Variants in CLSTN2 observed in about 807,000 individuals in gnomAD.
The protein encoded by CLSTN2 is calsyntenin 2.
Under a neutral mutation model 101.2 loss-of-function variants are expected in CLSTN2, and 48 were observed. The observed-to-expected ratio is 0.47, with a 90% confidence interval of 0.38 to 0.60. CLSTN2 has a LOEUF of 0.60. Among genes scored for constraint, CLSTN2 ranks in the 20% least tolerant of loss-of-function variants. CLSTN2 has a pLI of 0.00. For synonymous variants in CLSTN2, 481 were observed against 463.6 expected, an observed-to-expected ratio of 1.04 and a Z score of -0.48; for missense variants, 1,160 against 1,238.2, an observed-to-expected ratio of 0.94 and a Z score of 0.95.
chr3:139,979,809 G>A (rs1935886086), intron 1 of CLSTN2, among the ~76,000 whole-genome samples: 1 of 151,808 alleles, frequency 6.6e-6, no homozygotes, highest in Non-Finnish European at 1.5e-5. Context: ...CATTAGCCAG[G>A]ATTTATGTGC....
intron 9 of CLSTN2, among the ~76,000 whole-genome samples, chr3:140,542,293 G>T (rs920898035): frequency 3.9e-5 from 6 of 152,102 alleles, no homozygotes; most frequent in Non-Finnish European, 7.4e-5. Context: ...AGCTCCTGAA[G>T]ACCATGGTTC....
chr3:140,049,492 T>A (rs1294930819), intron 1 of CLSTN2, among the ~76,000 whole-genome samples: 3 of 152,220 alleles, frequency 2.0e-5, no homozygotes, highest in African/African-American at 7.2e-5. Context: ...CCAGGCCATC[T>A]TTATTTTCTC....
intron 1 of CLSTN2, among the ~76,000 whole-genome samples, chr3:140,014,718 T>C (rs1017389439): frequency 1.3e-5 from 2 of 150,182 alleles, no homozygotes; most frequent in African/African-American, 2.5e-5. Context: ...TGGAGAAGAG[T>C]GAGGAATAGG....
At chr3:140,023,373 A>G (rs1189813411) in intron 1 of CLSTN2, among the ~76,000 whole-genome samples, 1 of 152,280 alleles carries the variant, frequency 6.6e-6, no homozygotes, top group South Asian at 2.1e-4. Flanking sequence ...GAGGCTTGTT[A>G]TGTTTCTGCC....
At chr3:140,247,319 C>G (rs936831505) in intron 2 of CLSTN2, among the ~76,000 whole-genome samples, 7 of 152,106 alleles carry the variant, frequency 4.6e-5, no homozygotes, top group African/African-American at 1.7e-4. Flanking sequence ...TTGGGATTTT[C>G]TTAGTGTTCT....
intron 16 of CLSTN2, among the ~76,000 whole-genome samples, chr3:140,565,779 T>C (rs1167394989): frequency 1.3e-5 from 2 of 152,220 alleles, no homozygotes; most frequent in Admixed American, 1.3e-4. Context: ...TAGGATTGGC[T>C]AAAATGTCCA....
intron 8 of CLSTN2, among the ~76,000 whole-genome samples, chr3:140,468,444 A>C (rs941426704): frequency 6.6e-6 from 1 of 152,244 alleles, no homozygotes; most frequent in South Asian, 2.1e-4. Context: ...AGATAAAGAT[A>C]TAGTGAATCT....
chr3:140,307,833 A>G (rs770197298), intron 2 of CLSTN2, among the ~76,000 whole-genome samples: 5 of 152,212 alleles, frequency 3.3e-5, no homozygotes, highest in Non-Finnish European at 7.3e-5. Context: ...GGCTTCTGGT[A>G]TATTAAAAAT....
At chr3:140,342,092 C>T (rs969438865) in intron 2 of CLSTN2, among the ~76,000 whole-genome samples, 1 of 152,168 alleles carries the variant, frequency 6.6e-6, no homozygotes, top group Non-Finnish European at 1.5e-5. Context: ...GCCCAGGTAG[C>T]ATTCCTTTGT....
chr3:140,351,506 A>T (rs2087606474), intron 2 of CLSTN2, among the ~76,000 whole-genome samples: 1 of 152,240 alleles, frequency 6.6e-6, no homozygotes, highest in Admixed American at 6.5e-5. Context: ...TATCAAACAC[A>T]GTCAAGTCTT....
At chr3:140,396,133 C>T (rs1313085912) in intron 2 of CLSTN2, among the ~76,000 whole-genome samples, 1 of 152,066 alleles carries the variant, frequency 6.6e-6, no homozygotes, top group East Asian at 1.9e-4. Flanking sequence ...TGACTCTTGC[C>T]CAGTGAATGC....
intron 1 of CLSTN2, among the ~76,000 whole-genome samples, chr3:139,941,323 G>A (rs1370644883): frequency 6.6e-6 from 1 of 152,100 alleles, no homozygotes; most frequent in Non-Finnish European, 1.5e-5. Context: ...GCCAGAGGGA[G>A]TATTGGTCAG....
chr3:140,182,623 C>T (rs2010427437), intron 2 of CLSTN2, among the ~76,000 whole-genome samples: 1 of 152,240 alleles, frequency 6.6e-6, no homozygotes, highest in South Asian at 2.1e-4. Flanking sequence ...GTATCCCACT[C>T]TGCTTCCCAC....
intron 1 of CLSTN2, among the ~76,000 whole-genome samples, chr3:139,988,095 A>G (rs1936057725): frequency 6.6e-6 from 1 of 152,102 alleles, no homozygotes; most frequent in Non-Finnish European, 1.5e-5. Flanking sequence ...TCTTAATGGG[A>G]ATGCTGCTTT....
At chr3:140,028,440 C>T (rs1344366714) in intron 1 of CLSTN2, among the ~76,000 whole-genome samples, 2 of 152,168 alleles carry the variant, frequency 1.3e-5, no homozygotes, top group Non-Finnish European at 2.9e-5. Context: ...GAACTCTTGA[C>T]ACCAGGGACT....
intron 1 of CLSTN2, among the ~76,000 whole-genome samples, chr3:140,063,873 A>T (rs137880710): frequency 1.3e-5 from 2 of 152,130 alleles, no homozygotes; most frequent in Non-Finnish European, 1.5e-5. Flanking sequence ...TCAATTATGG[A>T]GTATCACACC....
chr3:140,564,241 C>T (rs1044301493), intron 16 of CLSTN2, 96 bp downstream of exon 16: 5 of 1,108,018 alleles, frequency 4.5e-6, no homozygotes, highest in Non-Finnish European at 6.6e-6. Flanking sequence ...ATACCCCCTC[C>T]TTCTGGAAGC....
At chr3:140,034,677 G>T (rs2007622065) in intron 1 of CLSTN2, among the ~76,000 whole-genome samples, 1 of 152,206 alleles carries the variant, frequency 6.6e-6, no homozygotes, top group Admixed American at 6.5e-5. Flanking sequence ...TGAGAAGCAG[G>T]GAGGGCGGGG....
chr3:140,388,018 A>T (rs958500502), intron 2 of CLSTN2, among the ~76,000 whole-genome samples: 1 of 152,364 alleles, frequency 6.6e-6, no homozygotes, highest in East Asian at 1.9e-4. Context: ...CTACTCTTTC[A>T]TATCGACAAG....
Sources: gnomAD v4.1 joint callset for allele counts (sites outside exome capture counted in the v4.1 genomes callset) on GRCh38, gnomAD v4.1.1 for gene constraint, MANE v1.5 for transcripts, NCBI Gene and HGNC (gene_info 2026-07-23, HGNC 2026-07-21) for gene names.